The following NXPE1 variants were observed in gnomAD, a reference collection of about 807,000 sequenced individuals.
NXPE1 encodes neurexophilin and PC-esterase domain family member 1.
NXPE1 carries 31 observed loss-of-function variants against 33.3 expected under a neutral mutation model. The observed-to-expected ratio is 0.93, with a 90% CI of 0.70 to 1.26. The LOEUF (loss-of-function observed/expected upper bound fraction) is 1.26, where lower values mean the gene tolerates loss of function less well. NXPE1 is among the 50% of genes most tolerant of loss of function. The pLI is 0.00. For synonymous variants in NXPE1, 229 were observed against 231.4 expected (o/e 0.99, Z 0.09); for missense variants, 661 against 655.6 (o/e 1.01, Z -0.09).
chr11:114,530,239 AG>A lies in NXPE1; in HGVS notation c.768del (p.Tyr257ThrfsTer2), dbSNP rs763293155. The stretch of plus-strand genomic sequence containing the variant: ...ACCTCTCTATTCCGGGTGGTCATGT[AG>A]GTCAGAGCCTCACAGGGCATGTGTT... On this transcript the variant is annotated frameshift_variant, in exon 6 of 9. Coordinates refer to ENST00000534921, the Ensembl canonical transcript of NXPE1. LOFTEE classifies it high-confidence loss of function. 189 of 1,613,918 alleles carry A rather than the reference AG, an allele frequency of 1.2e-4. No individual in the cohort carries two copies. The highest frequency in any genetic ancestry group is 1.5e-4 in the Non-Finnish European group (179 of 1,179,968).
chr11:114,554,721 C>T (rs1002425290), intron 1 of NXPE1, among the ~76,000 whole-genome samples: 9 of 152,150 alleles, frequency 5.9e-5, no homozygotes, highest in South Asian at 2.1e-4. Context: ...GACTTCAAGT[C>T]GCTAAGCCAC....
At chr11:114,520,272 C>T (rs1413317184), downstream of NXPE1, among the ~76,000 whole-genome samples, 1 of 152,174 alleles carries the variant, frequency 6.6e-6, no homozygotes, top group Non-Finnish European at 1.5e-5. Context: ...TTCTCTTCCT[C>T]CCAGCCTGGA....
intron 1 of NXPE1, among the ~76,000 whole-genome samples, chr11:114,556,175 G>C (rs1948643725): frequency 6.6e-6 from 1 of 152,202 alleles, no homozygotes; most frequent in Non-Finnish European, 1.5e-5. Context: ...CATGAAAACA[G>C]TTTATACCTC....
At chr11:114,539,596 A>C (rs2135037698) in intron 5 of NXPE1, among the ~76,000 whole-genome samples, 1 of 152,332 alleles carries the variant, frequency 6.6e-6, no homozygotes, top group South Asian at 2.1e-4. Flanking sequence ...TCTCAAAAAA[A>C]ATTAAAAATT....
intron 6 of NXPE1, chr11:114,529,351 A>G (rs1000948383): frequency 1.3e-5 from 2 of 152,416 alleles, no homozygotes; most frequent in Non-Finnish European, 2.9e-5. Flanking sequence ...TTGTGATAAC[A>G]GATAGTTATC....
In NXPE1 at chr11:114,553,322, TC is replaced by T. The variant is rs558771022; in HGVS notation, c.-210-443del. Among the ~76,000 whole-genome samples, 35 of 152,284 alleles carry T rather than the reference TC, an allele frequency of 2.3e-4. 1 individual carries two copies. The South Asian group carries it at 6.8e-3, about 30-fold the overall frequency. On this transcript the variant is annotated intron_variant, in intron 1 of 8. Transcript: ENST00000534921. ...GAGAGTCCCTCATTCGAGAGGAGAATCACCTCAGGCTGAATCTACCTATCTT... is the reference window on the plus strand; with the variant it reads ...GAGAGTCCCTCATTCGAGAGGAGAATACCTCAGGCTGAATCTACCTATCTT...
At chr11:114,555,551 G>A (rs1948629090) in intron 1 of NXPE1, among the ~76,000 whole-genome samples, 1 of 152,124 alleles carries the variant, frequency 6.6e-6, no homozygotes, top group Non-Finnish European at 1.5e-5. Context: ...TAAGTGCACT[G>A]TTTTATGAAT....
At chr11:114,522,356 A>G in exon 9 of NXPE1, 3 of 1,614,078 alleles carry the variant, frequency 1.9e-6, no homozygotes, top group Non-Finnish European at 2.5e-6. Context: ...TTCCCGAGGG[A>G]TATAATCATG....
chr11:114,542,412 A>G (rs1054330759), intron 5 of NXPE1, among the ~76,000 whole-genome samples: 2 of 152,166 alleles, frequency 1.3e-5, no homozygotes, highest in African/African-American at 2.4e-5. Flanking sequence ...AACCAACATA[A>G]TTGAAAAGTT....
At chr11:114,551,700 C>G (rs1380912429) in intron 3 of NXPE1, among the ~76,000 whole-genome samples, 1 of 151,906 alleles carries the variant, frequency 6.6e-6, no homozygotes, top group Non-Finnish European at 1.5e-5. Context: ...TTGCTGAATG[C>G]CAAGTCTGAA....
intron 5 of NXPE1, among the ~76,000 whole-genome samples, chr11:114,549,590 C>T (rs557101493): frequency 3.9e-5 from 6 of 152,100 alleles, no homozygotes; most frequent in Non-Finnish European, 8.8e-5. Context: ...ATTTCCTCTA[C>T]ACATAAAATA....
At chr11:114,546,982 A>C (rs1414044387) in intron 5 of NXPE1, among the ~76,000 whole-genome samples, 1 of 152,204 alleles carries the variant, frequency 6.6e-6, no homozygotes, top group Non-Finnish European at 1.5e-5. Flanking sequence ...GAATAAACAA[A>C]TATGTAAGGG....
chr11:114,521,931 A>G (rs772170447), exon 9 of NXPE1: 1 of 1,427,174 alleles, frequency 7.0e-7, no homozygotes, highest in East Asian at 2.3e-5. Context: ...TTATGTGCAG[A>G]GATTGGTTCC....
At chr11:114,554,085 C>T (rs1160977167) in intron 1 of NXPE1, 2 of 985,330 alleles carry the variant, frequency 2.0e-6, no homozygotes, top group Non-Finnish European at 2.4e-6. Context: ...AACTTGGCCA[C>T]TATCTGACTC....
exon 9 of NXPE1, chr11:114,522,009 T>A: frequency 1.2e-6 from 2 of 1,613,498 alleles, no homozygotes; most frequent in Non-Finnish European, 1.7e-6. Flanking sequence ...TGATTTCCAA[T>A]CACATGATCA....
chr11:114,527,784 A>G, intron 7 of NXPE1, 56 bp downstream of exon 7: 2 of 1,197,914 alleles, frequency 1.7e-6, no homozygotes, highest in South Asian at 1.5e-5. Flanking sequence ...TATTTAGGTT[A>G]ATGCTGATAA....
intron 5 of NXPE1, among the ~76,000 whole-genome samples, chr11:114,537,914 A>T (rs1947903418): frequency 6.6e-6 from 1 of 152,196 alleles, no homozygotes; most frequent in African/African-American, 2.4e-5. Flanking sequence ...CTTTCTTCAC[A>T]GAATTGGAAA....
At chr11:114,535,877 A>G (rs541137341) in intron 5 of NXPE1, among the ~76,000 whole-genome samples, 7 of 152,336 alleles carry the variant, frequency 4.6e-5, no homozygotes, top group Admixed American at 1.3e-4. Context: ...GATCAACGAG[A>G]CAGAAAGTTA....
chr11:114,555,437 G>C (rs1427615643), intron 1 of NXPE1, among the ~76,000 whole-genome samples: 2 of 152,128 alleles, frequency 1.3e-5, no homozygotes, highest in African/African-American at 2.4e-5. Flanking sequence ...ATGTTGGCCA[G>C]GATGGTCTCG....
Sources: allele counts gnomAD v4.1 joint callset (sites outside exome capture counted in the v4.1 genomes callset), GRCh38; gene constraint gnomAD v4.1.1; transcripts MANE v1.5; gene names NCBI Gene and HGNC (gene_info 2026-07-23, HGNC 2026-07-21).